The following IMMP2L variants were observed in gnomAD, a reference collection of about 807,000 sequenced individuals.
IMMP2L encodes mitochondrial inner membrane protease subunit 2.
IMMP2L carries 18 observed loss-of-function variants against 19.3 expected under a neutral mutation model. The observed-to-expected ratio is 0.93, with a 90% confidence interval of 0.64 to 1.38. The LOEUF (loss-of-function observed/expected upper bound fraction) is 1.38, where lower values mean the gene tolerates loss of function less well. IMMP2L is among the 40% of genes most tolerant of loss of function. The probability of loss-of-function intolerance (pLI) is 0.00; values close to 1 mark genes in which losing one functional copy is unlikely to be tolerated. For synonymous variants in IMMP2L, 76 were observed against 73.0 expected (o/e 1.04, Z -0.21); for missense variants, 233 against 218.2 (o/e 1.07, Z -0.43).
intron 1 of IMMP2L, among the ~76,000 whole-genome samples, chr7:111,523,180 G>C (rs1846520101): frequency 2.0e-5 from 3 of 151,948 alleles, no homozygotes; most frequent in Non-Finnish European, 4.4e-5. Flanking sequence ...TTATATTTAG[G>C]AGGAATACAT....
At chr7:111,350,976 C>T (rs927545588) in intron 3 of IMMP2L, among the ~76,000 whole-genome samples, 3 of 152,088 alleles carry the variant, frequency 2.0e-5, no homozygotes, top group Non-Finnish European at 4.4e-5. Context: ...AACTATTACA[C>T]AGTAAGAGAT....
intron 3 of IMMP2L, among the ~76,000 whole-genome samples, chr7:111,153,754 A>C (rs1804329729): frequency 6.6e-6 from 1 of 152,090 alleles, no homozygotes; most frequent in Admixed American, 6.5e-5. Flanking sequence ...CAATAAGCAC[A>C]CAAATCTCCA....
intron 3 of IMMP2L, among the ~76,000 whole-genome samples, chr7:111,173,199 C>G (rs1481583948): frequency 6.6e-6 from 1 of 151,548 alleles, no homozygotes; most frequent in East Asian, 1.9e-4. Context: ...TTTTCTTTTT[C>G]AAAATTTAAC....
chr7:110,819,068 C>T (rs35081301), intron 5 of IMMP2L, among the ~76,000 whole-genome samples: 59,038 of 151,294 alleles, frequency 0.39, 13,241 homozygotes, highest in East Asian at 0.76. Flanking sequence ...ATGTAACAAA[C>T]CTGCACATTG....
intron 3 of IMMP2L, among the ~76,000 whole-genome samples, chr7:111,178,526 A>G (rs1052987718): frequency 6.6e-6 from 1 of 152,076 alleles, no homozygotes; most frequent in Admixed American, 6.6e-5. Context: ...GCTGTTTGAT[A>G]GCATTTTACC....
chr7:110,807,149 T>G (rs2131249907), intron 5 of IMMP2L, among the ~76,000 whole-genome samples: 1 of 152,138 alleles, frequency 6.6e-6, no homozygotes, highest in African/African-American at 2.4e-5. Flanking sequence ...TAATATGCTC[T>G]AATTTTCTAC....
intron 3 of IMMP2L, among the ~76,000 whole-genome samples, chr7:111,035,016 G>A (rs1413166878): frequency 6.6e-6 from 1 of 152,090 alleles, no homozygotes; most frequent in African/African-American, 2.4e-5. Context: ...TATGGTTACA[G>A]TTTTTTAAAT....
At chr7:111,046,073 C>G (rs534045665) in intron 3 of IMMP2L, among the ~76,000 whole-genome samples, 1 of 151,764 alleles carries the variant, frequency 6.6e-6, no homozygotes, top group Non-Finnish European at 1.5e-5. Flanking sequence ...AAAAAGTTTA[C>G]AAACTCAAAA....
At chr7:111,224,010 A>G (rs147484617) in intron 3 of IMMP2L, among the ~76,000 whole-genome samples, 2 of 152,274 alleles carry the variant, frequency 1.3e-5, no homozygotes, top group African/African-American at 4.8e-5. Flanking sequence ...AGAACACTAT[A>G]CACAAGAGGA....
At chr7:111,085,441 C>T (rs1796234726) in intron 3 of IMMP2L, among the ~76,000 whole-genome samples, 1 of 152,070 alleles carries the variant, frequency 6.6e-6, no homozygotes, top group South Asian at 2.1e-4. Flanking sequence ...TAGCTGTTAA[C>T]TAAATTTTTG....
At chr7:111,545,603 C>T (rs1397605712) in intron 1 of IMMP2L, among the ~76,000 whole-genome samples, 1 of 152,096 alleles carries the variant, frequency 6.6e-6, no homozygotes, top group Non-Finnish European at 1.5e-5. Context: ...CCAGGCTAGT[C>T]TTGAACTCCT....
chr7:111,016,893 T>C (rs1382353953), intron 3 of IMMP2L, among the ~76,000 whole-genome samples: 1 of 90,170 alleles, frequency 1.1e-5, no homozygotes, highest in Non-Finnish European at 1.9e-5. Context: ...TTATATATAA[T>C]ATATATTATA....
intron 5 of IMMP2L, among the ~76,000 whole-genome samples, chr7:110,862,893 G>A (rs972541879): frequency 6.6e-6 from 1 of 151,960 alleles, no homozygotes; most frequent in South Asian, 2.1e-4. Flanking sequence ...CTAAAAAGCA[G>A]AGAGCTGGCC....
chr7:111,178,065 A>G (rs542293232), intron 3 of IMMP2L, among the ~76,000 whole-genome samples: 7 of 152,210 alleles, frequency 4.6e-5, no homozygotes, highest in Admixed American at 2.6e-4. Flanking sequence ...CATACTTTTA[A>G]GAACCAGCAA....
intron 4 of IMMP2L, among the ~76,000 whole-genome samples, chr7:110,945,184 T>C (rs955145946): frequency 1.3e-5 from 2 of 151,860 alleles, no homozygotes; most frequent in Non-Finnish European, 2.9e-5. Flanking sequence ...CGAGGCCAGA[T>C]TGTGAGGGGC....
intron 3 of IMMP2L, among the ~76,000 whole-genome samples, chr7:110,963,978 T>C (rs1459861922): frequency 6.6e-6 from 1 of 151,200 alleles, no homozygotes; most frequent in Non-Finnish European, 1.5e-5. Flanking sequence ...GACTGGATTA[T>C]GGGGTTGGAT....
chr7:111,537,527 CTTTTTTTTTT>C (rs5886594), intron 1 of IMMP2L, among the ~76,000 whole-genome samples: 1 of 78,554 alleles, frequency 1.3e-5, no homozygotes, highest in Admixed American at 1.5e-4. Flanking sequence ...ATCACTTCCA[CTTTTTTTTTT>C]TTTTTTTTTT....
intron 3 of IMMP2L, among the ~76,000 whole-genome samples, chr7:111,345,229 T>A (rs1466460261): frequency 6.6e-6 from 1 of 152,158 alleles, no homozygotes; most frequent in Non-Finnish European, 1.5e-5. Flanking sequence ...ATTACTAATT[T>A]GAGGTCAAGT....
intron 3 of IMMP2L, among the ~76,000 whole-genome samples, chr7:111,259,315 C>A (rs748073326): frequency 9.9e-5 from 15 of 152,018 alleles, no homozygotes; most frequent in Non-Finnish European, 1.6e-4. Context: ...TTAGGCTACA[C>A]AAAATTTATT....
Sources: gnomAD v4.1 joint callset for allele counts (sites outside exome capture counted in the v4.1 genomes callset) on GRCh38, gnomAD v4.1.1 for gene constraint, MANE v1.5 for transcripts, NCBI Gene and HGNC (gene_info 2026-07-23, HGNC 2026-07-21) for gene names.